The following JARID2 variants were observed in gnomAD, a reference collection of about 807,000 sequenced individuals.
JARID2 encodes the protein jumonji and AT-rich interaction domain containing 2, also known as protein Jumonji.
Under a neutral mutation model 125.6 loss-of-function variants are expected in JARID2, and 21 were observed. The ratio of observed to expected loss-of-function variants is 0.17; its 90% CI spans 0.12 to 0.24. The LOEUF is 0.24. JARID2 is among the 10% of genes least tolerant of loss of function. The pLI, the probability that JARID2 is intolerant of heterozygous loss-of-function variation, is 1.00. For synonymous variants in JARID2, 736 were observed against 661.6 expected (o/e 1.11, Z -1.73); for missense variants, 1,303 against 1,639.6 (o/e 0.79, Z 3.55).
chr6:15,359,714 CTTT>C (rs112384616), intron 1 of JARID2, among the ~76,000 whole-genome samples: 1 of 144,498 alleles, frequency 6.9e-6, no homozygotes, highest in Non-Finnish European at 1.5e-5. Flanking sequence ...TTTCTTTTTC[CTTT>C]TTTTTTTTTA....
At chr6:15,455,260 A>AT (rs1768107871) in intron 4 of JARID2, among the ~76,000 whole-genome samples, 1 of 152,028 alleles carries the variant, frequency 6.6e-6, no homozygotes, top group Admixed American at 6.6e-5. Flanking sequence ...CGTGGCTTAA[A>AT]ATTTTTTTTT....
intron 7 of JARID2, among the ~76,000 whole-genome samples, chr6:15,499,979 A>G (rs926944565): frequency 1.3e-5 from 2 of 152,072 alleles, no homozygotes; most frequent in African/African-American, 4.8e-5. Context: ...TTTACCTTTT[A>G]TTACTTAAAA....
rs373435440 is a variant in JARID2 at position 15,465,396 on chromosome 6, A to G, written c.494-3146A>G. Among the ~76,000 whole-genome samples the G allele has an allele frequency of 1.8e-4, 27 of 152,304 alleles. No homozygotes were observed. In the East Asian group the frequency reaches 3.5e-3, roughly 20 times the overall value. On this transcript the variant is annotated intron_variant, in intron 4 of 17. Transcript: ENST00000341776. ...TGGCCAGGAGGTCGAGGCTGTAGTG[A>G]GTCATGATCACACCACTGCATTCCA...
At chr6:15,389,662 C>G (rs924548617) in intron 2 of JARID2, among the ~76,000 whole-genome samples, 1 of 152,214 alleles carries the variant, frequency 6.6e-6, no homozygotes, top group Non-Finnish European at 1.5e-5. Context: ...CTGGCACTTT[C>G]TGAATCCCTC....
chr6:15,351,310 G>T (rs1030647104), intron 1 of JARID2, among the ~76,000 whole-genome samples: 5 of 152,146 alleles, frequency 3.3e-5, no homozygotes, highest in African/African-American at 1.2e-4. Context: ...GAGTGAGTGA[G>T]GGGAAAAGCT....
chr6:15,437,710 C>G (rs1397150187), intron 3 of JARID2, among the ~76,000 whole-genome samples: 2 of 151,898 alleles, frequency 1.3e-5, no homozygotes, highest in African/African-American at 4.8e-5. Flanking sequence ...AATTTACCAT[C>G]CTAGAATCGC....
intron 1 of JARID2, among the ~76,000 whole-genome samples, chr6:15,343,246 AAAAAG>A: frequency 6.6e-6 from 1 of 151,594 alleles, no homozygotes; most frequent in African/African-American, 2.4e-5. Context: ...AAAAAAAAAA[AAAAAG>A]GGAATAGCTG....
rs190157178 is a variant in JARID2, at chr6:15,311,070, T to C, written c.46-63047T>C. ...CATGGCACGTTGGCAGTGAGATAGT[T>C]GCTATAATAATTCTCTAATAAGCTG... On this transcript the variant is annotated intron_variant, in intron 1 of 17. Transcript: ENST00000341776. 2.0e-3 allele frequency among the ~76,000 whole-genome samples: 298 copies of C among 152,284 alleles called. 1 individual carries two copies. Among genetic ancestry groups the C allele is most frequent in the Non-Finnish European group, 3.5e-3 (239 of 68,030 alleles).
intron 1 of JARID2, among the ~76,000 whole-genome samples, chr6:15,255,970 A>ACTTGTGTTAAACACTGC (rs1223678034): frequency 6.6e-6 from 1 of 152,094 alleles, no homozygotes; most frequent in Non-Finnish European, 1.5e-5. Context: ...CTTGTGTTAA[A>ACTTGTGTTAAACACTGC]CTGGCTGTGT....
At chr6:15,415,510 A>AG (rs1213726113) in intron 3 of JARID2, among the ~76,000 whole-genome samples, 1 of 120,444 alleles carries the variant, frequency 8.3e-6, no homozygotes, top group Admixed American at 8.0e-5. Flanking sequence ...ACTTCCCAGT[A>AG]GGGGCTGCCG....
intron 2 of JARID2, among the ~76,000 whole-genome samples, chr6:15,391,646 A>C (rs529973727): frequency 4.1e-4 from 62 of 152,348 alleles, no homozygotes; most frequent in Middle Eastern, 3.4e-3. Context: ...GAATTCCTGG[A>C]CTGTAGCCAT....
intron 3 of JARID2, among the ~76,000 whole-genome samples, chr6:15,435,428 T>C (rs1767160629): frequency 6.6e-6 from 1 of 152,212 alleles, no homozygotes; most frequent in South Asian, 2.1e-4. Context: ...TGTAAGAAAG[T>C]TGTCTCCTGT....
chr6:15,332,473 A>G (rs1365838695), intron 1 of JARID2, among the ~76,000 whole-genome samples: 1 of 152,246 alleles, frequency 6.6e-6, no homozygotes, highest in African/African-American at 2.4e-5. Context: ...TATTATGTAG[A>G]AGGAGCAATA....
intron 16 of JARID2, 120 bp from the exon 17 acceptor site, chr6:15,517,041 G>A: frequency 1.4e-6 from 1 of 708,902 alleles, no homozygotes; most frequent in Non-Finnish European, 2.5e-6. Context: ...TGGGTGCTGG[G>A]GCTACTCTGG....
At chr6:15,249,559 A>G (rs1759357417) in intron 1 of JARID2, among the ~76,000 whole-genome samples, 1 of 152,170 alleles carries the variant, frequency 6.6e-6, no homozygotes, top group African/African-American at 2.4e-5. Context: ...CCACTTAACT[A>G]AGTCACTGAA....
chr6:15,448,436 G>GT (rs1471338070), intron 3 of JARID2, among the ~76,000 whole-genome samples: 1 of 152,080 alleles, frequency 6.6e-6, no homozygotes, highest in Non-Finnish European at 1.5e-5. Flanking sequence ...TTCTCATCGT[G>GT]TATAGGGTTT....
intron 1 of JARID2, among the ~76,000 whole-genome samples, chr6:15,252,237 G>A (rs1352969354): frequency 6.6e-6 from 1 of 152,066 alleles, no homozygotes; most frequent in Non-Finnish European, 1.5e-5. Flanking sequence ...GAAGACCCAT[G>A]GCCTCATATC....
chr6:15,255,071 CCA>C (rs1401911167), intron 1 of JARID2, among the ~76,000 whole-genome samples: 1 of 150,906 alleles, frequency 6.6e-6, no homozygotes, highest in East Asian at 1.9e-4. Flanking sequence ...CACTGTGTAA[CCA>C]CAGTTTTGCC....
At position 15,463,750 on chromosome 6, in the gene JARID2, G is replaced by A. The variant is rs377230943; in HGVS notation, c.494-4792G>A. On this transcript the variant is annotated intron_variant, in intron 4 of 17. Coordinates refer to ENST00000341776, the MANE Select transcript of JARID2 (RefSeq NM_004973.4). ...CCCAGCCTGTTCTGTTTTCAAATAC[G>A]TCTGCTAGATACGAAGTTTCTACCG... Among the ~76,000 whole-genome samples, 52 of 152,062 alleles carry A rather than the reference G, an allele frequency of 3.4e-4. 1 individual carries two copies. The highest frequency in any genetic ancestry group is 3.4e-3 in the Middle Eastern group (1 of 294).
Sources: allele counts gnomAD v4.1 joint callset (sites outside exome capture counted in the v4.1 genomes callset), GRCh38; gene constraint gnomAD v4.1.1; transcripts MANE v1.5; gene names NCBI Gene and HGNC (gene_info 2026-07-23, HGNC 2026-07-21).